The following DNAJB12 variants were observed in gnomAD, a reference collection of about 807,000 sequenced individuals.
DNAJB12 encodes the protein DnaJ heat shock protein family (Hsp40) member B12.
DNAJB12 carries 14 observed loss-of-function variants against 40.6 expected under a neutral mutation model. The observed-to-expected ratio is 0.34, with a 90% CI of 0.23 to 0.54. The LOEUF (loss-of-function observed/expected upper bound fraction) is 0.54, where lower values mean the gene tolerates loss of function less well. Among genes scored for constraint, DNAJB12 ranks in the 20% least tolerant of loss-of-function variants. The pLI is 0.92. For synonymous variants in DNAJB12, 181 were observed against 199.5 expected, an observed-to-expected ratio of 0.91 and a Z score of 0.78; for missense variants, 444 against 501.7, an observed-to-expected ratio of 0.89 and a Z score of 1.10.
In DNAJB12 at chr10:72,335,492, AAC is replaced by A. The variant is rs749128444; in HGVS notation, c.*30+286_*30+287del. 4.6e-5 allele frequency: 53 copies of A among 1,153,274 alleles called. No individual in the cohort carries two copies. The highest frequency in any genetic ancestry group is 1.7e-4 in the East Asian group (3 of 18,114). 71.4% of individuals were successfully genotyped at this position (1,153,274 alleles called of 1,614,324 possible). On this transcript the variant is annotated intron_variant, in intron 8 of 8. Coordinates refer to ENST00000444643, the MANE Select transcript of DNAJB12 (RefSeq NM_017626.7). The surrounding 1 kb of genome is among the most constrained non-coding windows in gnomAD (Gnocchi z 4.4). Reference sequence around the variant, plus strand: ...CAAGAAGCCCCGGGTGGCCCTCAGCAACAGTTTCAAGTTCCCACTCTGCCTGG... The same window carrying A: ...CAAGAAGCCCCGGGTGGCCCTCAGCAAGTTTCAAGTTCCCACTCTGCCTGG...
intron 1 of DNAJB12, among the ~76,000 whole-genome samples, chr10:72,350,124 G>A (rs72808142): frequency 0.075 from 11,377 of 151,982 alleles, 876 homozygotes; most frequent in African/African-American, 0.2. Flanking sequence ...AGATTTGGCC[G>A]GGCAGTGGCT....
intron 2 of DNAJB12, 50 bp downstream of exon 2, chr10:72,344,900 T>C: frequency 6.2e-7 from 1 of 1,607,370 alleles, no homozygotes; most frequent in Admixed American, 1.7e-5. Flanking sequence ...CCAGGAAGCC[T>C]CTAGATTTCC....
At position 72,343,494 on chromosome 10, in the gene DNAJB12, T is replaced by C. The variant is rs1211399975; in HGVS notation, c.329A>G (p.Asp110Gly). Residue 110 changes from aspartate (D) to glycine (G), a missense_variant, in exon 3 of 9, where the codon GAT (aspartate) becomes GGT (glycine). Coordinates refer to ENST00000444643, the MANE Select transcript of DNAJB12 (RefSeq NM_017626.7). Reference sequence around the variant, plus strand: ...GCTCACCCCCAGGATCTCATAGTAATCTTTACATTGCTTGACCCTGGGGAA... The same window carrying C: ...GCTCACCCCCAGGATCTCATAGTAACCTTTACATTGCTTGACCCTGGGGAA... ...AAVKRVKQCK[D>G]YYEILGVSRG... 2 of 1,613,994 alleles carry C rather than the reference T, an allele frequency of 1.2e-6. No homozygotes were observed. Among genetic ancestry groups the C allele is most frequent in the Non-Finnish European group, 1.7e-6 (2 of 1,180,016 alleles).
At chr10:72,338,402 C>T in intron 5 of DNAJB12, 91 bp from the exon 6 acceptor site, 1 of 1,058,956 alleles carries the variant, frequency 9.4e-7, no homozygotes, top group Non-Finnish European at 1.4e-6. Context: ...ATAGTGGAGC[C>T]TGGGGAGACA....
At chr10:72,347,995 G>A (rs973944249) in intron 1 of DNAJB12, among the ~76,000 whole-genome samples, 3 of 151,072 alleles carry the variant, frequency 2.0e-5, no homozygotes, top group Admixed American at 6.6e-5. Context: ...AGGCTGAGGC[G>A]GGCAGATCGC....
In DNAJB12 at chr10:72,340,784, C is replaced by T; in HGVS notation, c.723+5G>A. The T allele has an allele frequency of 6.2e-7, 1 of 1,613,782 alleles. No individual in the cohort carries two copies. The highest frequency in any genetic ancestry group is 8.5e-7 in the Non-Finnish European group (1 of 1,179,940). ...CGCGCTGTCCCTGGCGCCCTCCTCA[C>T]TCACATCACCCTGGTTGTCCCTGCG... On this transcript the variant is annotated splice_donor_5th_base_variant and intron_variant, in intron 5 of 8. Coordinates refer to ENST00000444643, the MANE Select transcript of DNAJB12 (RefSeq NM_017626.7).
chr10:72,354,870 G>A lies in DNAJB12; in HGVS notation c.28C>T (p.Arg10Cys). 1.2e-6 allele frequency: 2 copies of A among 1,614,106 alleles called. No homozygotes were observed. Among genetic ancestry groups the A allele is most frequent in the Non-Finnish European group, 1.7e-6 (2 of 1,179,948 alleles). MESNKDEAE[R>C]CISIALKAIQ... The stretch of plus-strand genomic sequence containing the variant: ...GCCTTGAGGGCGATGCTGATACAGC[G>A]CTCAGCTTCATCCTTGTTGGATTCC... The change falls in exon 1 of 9, where the codon CGC (arginine) becomes TGC (cysteine). Residue 10 changes from arginine (R) to cysteine (C), a missense_variant. Coordinates refer to ENST00000444643, the MANE Select transcript of DNAJB12 (RefSeq NM_017626.7).
At chr10:72,342,720 T>C (rs1171703769) in intron 3 of DNAJB12, among the ~76,000 whole-genome samples, 2 of 152,182 alleles carry the variant, frequency 1.3e-5, no homozygotes, top group Admixed American at 1.3e-4. Flanking sequence ...AAGGCAGTAA[T>C]GTTTGGGGCA....
At position 72,345,211 on chromosome 10, in the gene DNAJB12, T is replaced by C. The variant is rs1053447299; in HGVS notation, c.134-84A>G. On this transcript the variant is annotated intron_variant, in intron 1 of 8. Transcript: ENST00000444643. ...GAGCGGCCCGCTGCTTCCCACTCAC[T>C]TCCCCTCCCAGCAAAGCCACCAGCT... The C allele has an allele frequency of 1.5e-5, 23 of 1,504,696 alleles. No individual in the cohort carries two copies. The African/African-American group carries it at 2.8e-4, about 18-fold the overall frequency. The allele number at this position is 1,504,696 out of a possible 1,614,324, so 93.2% of individuals were successfully genotyped here. A position where few individuals can be genotyped will look rare whatever the true frequency, so the allele number is the denominator to read the frequency against.
At position 72,345,030 on chromosome 10, in the gene DNAJB12, G is replaced by T. The variant is rs190575933; in HGVS notation, c.231C>A (p.Thr77=). Residue 77 remains threonine (T), a synonymous_variant, in exon 2 of 9, where the codon ACC becomes ACA. Coordinates refer to ENST00000444643, the MANE Select transcript of DNAJB12 (RefSeq NM_017626.7). ...THATHRKAGG[T]DAPSANGEAG... is the part of the protein sequence containing the mutation. ...CTTCACCGTTGGCCGAGGGGGCATCGGTCCCACCTGCTTTCCTGTGGGTGG... is the reference window on the plus strand; with the variant it reads ...CTTCACCGTTGGCCGAGGGGGCATCTGTCCCACCTGCTTTCCTGTGGGTGG... 764 of 1,614,212 alleles carry T rather than the reference G, an allele frequency of 4.7e-4. 2 individuals carry two copies. Among genetic ancestry groups the T allele is most frequent in the South Asian group, 9.3e-4 (85 of 91,086 alleles).
intron 7 of DNAJB12, 65 bp downstream of exon 7, chr10:72,336,459 C>T (rs1861476272): frequency 1.3e-6 from 2 of 1,551,362 alleles, no homozygotes; most frequent in South Asian, 2.4e-5. Flanking sequence ...CTCTCCTTCC[C>T]CTGCTTTCCA....
chr10:72,354,191 G>A (rs1002165858), intron 1 of DNAJB12: 1 of 152,678 alleles, frequency 6.5e-6, no homozygotes, highest in African/African-American at 2.4e-5. Flanking sequence ...CCGGCTTCAG[G>A]ACAGTCCGAG....
At chr10:72,337,943 GTGTA>G (rs1458426363) in intron 6 of DNAJB12, among the ~76,000 whole-genome samples, 1 of 152,194 alleles carries the variant, frequency 6.6e-6, no homozygotes, top group Admixed American at 6.5e-5. Flanking sequence ...TATCGTGTGT[GTGTA>G]TGTGTGTGTG....
Position 72,336,510 on chromosome 10 carries a change from C to T in DNAJB12, c.1006+14G>A, listed in dbSNP as rs200226320. The T allele has an allele frequency of 3.1e-6, 5 of 1,611,112 alleles. No homozygotes were observed. In the East Asian group the frequency reaches 8.9e-5, roughly 29 times the overall value. On this transcript the variant is annotated intron_variant, in intron 7 of 8. Coordinates refer to ENST00000444643, the MANE Select transcript of DNAJB12 (RefSeq NM_017626.7). ...ACCTCCCAAATACAGCCCCCGCCTTCCCCCCACACTCACTCTGCTGCTTCT... is the reference window on the plus strand; with the variant it reads ...ACCTCCCAAATACAGCCCCCGCCTTTCCCCCACACTCACTCTGCTGCTTCT...
At chr10:72,350,175 G>T (rs1861897553) in intron 1 of DNAJB12, among the ~76,000 whole-genome samples, 1 of 151,990 alleles carries the variant, frequency 6.6e-6, no homozygotes, top group South Asian at 2.1e-4. Flanking sequence ...CAAGGCAGGA[G>T]AATGGATTGA....
Position 72,335,371 on chromosome 10 carries a change from T to G in DNAJB12, c.*30+409A>C. 3.0e-6 allele frequency: 3 copies of G among 1,003,098 alleles called. No individual in the cohort carries two copies. The highest frequency in any genetic ancestry group is 3.6e-6 in the Non-Finnish European group (3 of 839,732). The allele number at this position is 1,003,098 out of a possible 1,614,324, so 62.1% of individuals were successfully genotyped here. ...AGGCAGTGTGCATATGGGGCTCTCT[T>G]GGGCCCCACCATATGTGATGGCCTA... On this transcript the variant is annotated intron_variant, in intron 8 of 8. Transcript: ENST00000444643. This position sits in a 1 kb window ranked among gnomAD's most constrained non-coding sequence, Gnocchi z 4.4.
At chr10:72,354,584 G>A (rs932697329) in intron 1 of DNAJB12, among the ~76,000 whole-genome samples, 181 bp downstream of exon 1, 1 of 152,164 alleles carries the variant, frequency 6.6e-6, no homozygotes, top group Non-Finnish European at 1.5e-5. Flanking sequence ...CAGACGGCTC[G>A]CATCCCGCAG....
In DNAJB12 at chr10:72,335,705, C is replaced by G; in HGVS notation, c.*30+75G>C. 1 of 1,534,908 alleles carries G rather than the reference C, an allele frequency of 6.5e-7. No homozygotes were observed. Among genetic ancestry groups the G allele is most frequent in the South Asian group, 1.3e-5 (1 of 79,938 alleles). On this transcript the variant is annotated intron_variant, in intron 8 of 8. Coordinates refer to ENST00000444643, the MANE Select transcript of DNAJB12 (RefSeq NM_017626.7). This position sits in a 1 kb window ranked among gnomAD's most constrained non-coding sequence, Gnocchi z 4.4. Reference sequence around the variant, plus strand: ...CAATCACCAGGCTTCCTCCCTTTCTCCCCCTCCCTCCTCTGCTCATGACCA... The same window carrying G: ...CAATCACCAGGCTTCCTCCCTTTCTGCCCCTCCCTCCTCTGCTCATGACCA...
Position 72,341,120 on chromosome 10 carries a change from A to T in DNAJB12, c.508T>A (p.Tyr170Asn). 1 of 1,614,054 alleles carries T rather than the reference A, an allele frequency of 6.2e-7. No individual in the cohort carries two copies. The highest frequency in any genetic ancestry group is 8.5e-7 in the Non-Finnish European group (1 of 1,179,948). The change falls in exon 4 of 9, where the codon TAT (tyrosine) becomes AAT (asparagine). Residue 170 changes from tyrosine (Y) to asparagine (N), a missense_variant. By Grantham distance (143) the Tyr-to-Asn change is moderately radical. Transcript: ENST00000444643. The stretch of plus-strand genomic sequence containing the variant: ...CTCTTGTCATCGCCGAACTGGTCAT[A>T]CTGCTTCCTCTTCTCCGGGTTGCTG... The part of the protein sequence containing the change: ...VLSNPEKRKQ[Y>N]DQFGDDKSQA...
Sources: gnomAD v4.1 joint callset for allele counts (sites outside exome capture counted in the v4.1 genomes callset) on GRCh38, gnomAD v4.1.1 for gene constraint, Gnocchi (gnomAD v3.1) non-coding constraint, MANE v1.5 for transcripts, NCBI Gene and HGNC (gene_info 2026-07-23, HGNC 2026-07-21) for gene names.